The following TP53I13 variants were observed in gnomAD, a reference collection of about 807,000 sequenced individuals.
TP53I13 encodes tumor protein p53 inducible protein 13.
In TP53I13, 27 loss-of-function variants were observed where a neutral mutation model predicts 39.1. The observed-to-expected ratio is 0.69, with a 90% CI of 0.51 to 0.95. The LOEUF is 0.95. Ranked by LOEUF, TP53I13 falls within the 40% of genes least tolerant of loss-of-function variation. TP53I13 has a pLI of 0.00. For synonymous variants in TP53I13, 230 were observed against 224.6 expected, an observed-to-expected ratio of 1.02 and a Z score of -0.22; for missense variants, 544 against 520.4, an observed-to-expected ratio of 1.05 and a Z score of -0.44.
the TP53I13 span, among the ~76,000 whole-genome samples, chr17:29,580,892 T>C: frequency 6.6e-6 from 1 of 152,100 alleles, no homozygotes; most frequent in Admixed American, 6.5e-5. Context: ...GCGATTCTCC[T>C]GTCTCAGCCT....
At chr17:29,576,024 C>G (rs1207250331), downstream of TP53I13, 11 of 1,582,796 alleles carry the variant, frequency 6.9e-6, no homozygotes, top group Non-Finnish European at 9.5e-6. Context: ...AGCCCAGAAC[C>G]CCCTGGGGCT....
downstream of TP53I13, chr17:29,576,629 C>G (rs1396458647): frequency 1.2e-6 from 2 of 1,614,046 alleles, no homozygotes; most frequent in South Asian, 2.2e-5. Flanking sequence ...TCCAGGTACT[C>G]CTGCAGCGTC....
At chr17:29,580,871 C>A in the TP53I13 span, among the ~76,000 whole-genome samples, 3 of 151,932 alleles carry the variant, frequency 2.0e-5, no homozygotes, top group Non-Finnish European at 4.4e-5. Flanking sequence ...ACCTCTACCT[C>A]CTGTGTTCAA....
At chr17:29,574,975 C>T (rs1165109763), downstream of TP53I13, 1 of 1,494,572 alleles carries the variant, frequency 6.7e-7, no homozygotes, top group African/African-American at 1.4e-5. Context: ...AGATCAGGGC[C>T]CAGTTTGTCT....
chr17:29,573,001 C>T lies in TP53I13; in HGVS notation c.*77C>T, dbSNP rs1025338562. ...CGCGACCTCTGCCACGTGGACCGCGCGCGGGGCGCTCCCTGGTGGCGATGG... is the reference window on the plus strand; with the variant it reads ...CGCGACCTCTGCCACGTGGACCGCGTGCGGGGCGCTCCCTGGTGGCGATGG... On this transcript the variant is annotated 3_prime_UTR_variant, in exon 7 of 7. Coordinates refer to ENST00000301057, the MANE Select transcript of TP53I13 (RefSeq NM_138349.4). The T allele has an allele frequency of 5.1e-5, 60 of 1,183,214 alleles. No individual in the cohort carries two copies. The highest frequency in any genetic ancestry group is 6.5e-5 in the Non-Finnish European group (59 of 913,848). The allele number at this position is 1,183,214 out of a possible 1,614,324, so 73.3% of individuals were successfully genotyped here.
chr17:29,568,667 G>C (rs2032794397), upstream of TP53I13: 1 of 892,684 alleles, frequency 1.1e-6, no homozygotes, highest in Non-Finnish European at 1.3e-6. This position sits in a 1 kb window ranked among gnomAD's most constrained non-coding sequence, Gnocchi z 4.5. Flanking sequence ...GGCGCGGGCG[G>C]CGCGGGGGCG....
chr17:29,566,851 G>A (rs368216683), upstream of TP53I13: 104 of 1,512,358 alleles, frequency 6.9e-5, 1 homozygote, highest in Middle Eastern at 1.1e-3. Context: ...TTGGGCCCCC[G>A]GCAGGGTCCT....
chr17:29,580,796 G>A, the TP53I13 span, among the ~76,000 whole-genome samples: 15 of 149,862 alleles, frequency 1.0e-4, no homozygotes, highest in Non-Finnish European at 1.9e-4. Flanking sequence ...TTTTTGAGAC[G>A]GAGTTTGGAG....
chr17:29,577,682 A>C, downstream of TP53I13: 1 of 1,612,972 alleles, frequency 6.2e-7, no homozygotes, highest in East Asian at 2.2e-5. Context: ...GTTAACAGGC[A>C]GGAAGGGCAC....
At chr17:29,579,830 C>CA in the TP53I13 span, among the ~76,000 whole-genome samples, 44 of 152,250 alleles carry the variant, frequency 2.9e-4, no homozygotes, top group African/African-American at 1.0e-3. Context: ...AACCAAGGCT[C>CA]AGAGAGGTCA....
chr17:29,572,183 T>C lies in TP53I13; in HGVS notation c.555T>C (p.Pro185=). 1 of 1,609,038 alleles carries C rather than the reference T, an allele frequency of 6.2e-7. No homozygotes were observed. Among genetic ancestry groups the C allele is most frequent in the Non-Finnish European group, 8.5e-7 (1 of 1,177,634 alleles). ...LAFALRSWRP[P]GTEVTSQGPR... Reference sequence around the variant, plus strand: ...TTGCTCTGCGGAGCTGGCGGCCCCCTGGCACAGAGGTGACATCTCAAGGGC... The same window carrying C: ...TTGCTCTGCGGAGCTGGCGGCCCCCCGGCACAGAGGTGACATCTCAAGGGC... Residue 185 remains proline (P), a synonymous_variant, in exon 6 of 7, where the codon CCT becomes CCC. Transcript: ENST00000301057.
upstream of TP53I13, chr17:29,567,107 C>A: frequency 3.1e-6 from 2 of 639,146 alleles, no homozygotes; most frequent in Non-Finnish European, 4.1e-6. The surrounding 1 kb of genome is among the most constrained non-coding windows in gnomAD (Gnocchi z 6.6). Flanking sequence ...TGGCCGTGGC[C>A]GGGCAGAGGC....
At chr17:29,566,940 C>G (rs1021673721), upstream of TP53I13, 2 of 1,426,468 alleles carry the variant, frequency 1.4e-6, no homozygotes, top group South Asian at 1.4e-5. Context: ...CCAAGATGAG[C>G]GCGAGGGCGG....
downstream of TP53I13, chr17:29,574,738 C>T: frequency 1.9e-6 from 3 of 1,613,602 alleles, no homozygotes; most frequent in Non-Finnish European, 2.5e-6. Context: ...TGGTGACCAG[C>T]TGCTTGGCAG....
At chr17:29,578,018 G>T (rs536316829), downstream of TP53I13, among the ~76,000 whole-genome samples, 59 of 152,358 alleles carry the variant, frequency 3.9e-4, no homozygotes, top group African/African-American at 1.4e-3. Flanking sequence ...AGTGATGCAG[G>T]GGGGTGGAGC....
At chr17:29,576,693 G>C (rs765163947), downstream of TP53I13, 58 of 1,613,326 alleles carry the variant, frequency 3.6e-5, no homozygotes, top group Non-Finnish European at 1.7e-6. Flanking sequence ...AGAGACCTAA[G>C]CTGGTCAGCA....
chr17:29,572,250 C>T lies in TP53I13; in HGVS notation c.622C>T (p.Arg208Trp), dbSNP rs775020312. Reference sequence around the variant, plus strand: ...TAGTGGTGCCAAGAGGCGGAGGCTGCGGGCTGCCCTTGGTCCCCAGCCCAC... The same window carrying T: ...TAGTGGTGCCAAGAGGCGGAGGCTGTGGGCTGCCCTTGGTCCCCAGCCCAC... ...SSSGAKRRRL[R>W]AALGPQPTRS... The change falls in exon 6 of 7, where the codon CGG (arginine) becomes TGG (tryptophan). Residue 208 changes from arginine to tryptophan, a missense_variant. Physicochemically the swap from Arg to Trp is moderately radical, Grantham distance 101. Transcript: ENST00000301057. The T allele has an allele frequency of 6.3e-5, 101 of 1,612,406 alleles. No homozygotes were observed. In the Admixed American group the frequency reaches 1.4e-3, roughly 22 times the overall value.
At chr17:29,567,858 T>A (rs1468806886), upstream of TP53I13, among the ~76,000 whole-genome samples, 1 of 152,054 alleles carries the variant, frequency 6.6e-6, no homozygotes, top group African/African-American at 2.4e-5. The surrounding 1 kb of genome is among the most constrained non-coding windows in gnomAD (Gnocchi z 6.6). Flanking sequence ...TCTCGCTGTT[T>A]CCAAGCTTTG....
At chr17:29,577,229 G>A, downstream of TP53I13, 1 of 1,613,774 alleles carries the variant, frequency 6.2e-7, no homozygotes, top group Non-Finnish European at 8.5e-7. Context: ...GCATTAAAGC[G>A]GGCCAGCTTT....
Sources: allele counts gnomAD v4.1 joint callset (sites outside exome capture counted in the v4.1 genomes callset), GRCh38; gene constraint gnomAD v4.1.1; non-coding constraint Gnocchi (gnomAD v3.1); transcripts MANE v1.5; gene names NCBI Gene and HGNC (gene_info 2026-07-23, HGNC 2026-07-21).